XKR9: variants seen among roughly 807,000 people sequenced by gnomAD.
XKR9 encodes XK related 9.
Under a neutral mutation model 32.0 loss-of-function variants are expected in XKR9, and 32 were observed. The observed-to-expected ratio is 1.00, with a 90% CI of 0.76 to 1.34. The LOEUF (loss-of-function observed/expected upper bound fraction) is 1.34. Ranked by LOEUF, XKR9 falls within the 40% of genes most tolerant of loss-of-function variation. The probability of loss-of-function intolerance (pLI) is 0.00; values close to 1 mark genes in which losing one functional copy is unlikely to be tolerated. For synonymous variants in XKR9, 168 were observed against 143.4 expected (o/e 1.17, Z -1.22); for missense variants, 546 against 429.7 (o/e 1.27, Z -2.39).
the XKR9 span, among the ~76,000 whole-genome samples, chr8:71,002,981 A>G: frequency 6.6e-6 from 1 of 152,240 alleles, no homozygotes; most frequent in Middle Eastern, 3.2e-3. Context: ...AGGAGATGAC[A>G]TTCACATTCA....
chr8:70,703,243 T>TC (rs1345540891), intron 3 of XKR9, among the ~76,000 whole-genome samples: 100 of 152,284 alleles, frequency 6.6e-4, no homozygotes, highest in African/African-American at 2.2e-3. Flanking sequence ...CATTTTTTTT[T>TC]CTCCTAAAAT....
the XKR9 span, among the ~76,000 whole-genome samples, chr8:70,850,504 A>G: frequency 6.6e-6 from 1 of 151,658 alleles, no homozygotes; most frequent in Non-Finnish European, 1.5e-5. Flanking sequence ...TTTCAGGCCA[A>G]TATTCCTGAT....
At chr8:70,708,773 A>T (rs1805810314) in intron 4 of XKR9, among the ~76,000 whole-genome samples, 1 of 152,130 alleles carries the variant, frequency 6.6e-6, no homozygotes, top group Non-Finnish European at 1.5e-5. Flanking sequence ...GTATAAAATT[A>T]TGTTATACGA....
At chr8:70,944,576 C>T in the XKR9 span, among the ~76,000 whole-genome samples, 1 of 152,060 alleles carries the variant, frequency 6.6e-6, no homozygotes. Flanking sequence ...CAGCTTATAT[C>T]CTATAGGGAG....
At chr8:70,776,668 G>A (rs1407700577) in intron 2 of XKR9, among the ~76,000 whole-genome samples, 5 of 151,962 alleles carry the variant, frequency 3.3e-5, no homozygotes, top group Admixed American at 1.3e-4. Context: ...TAGGCTGGAG[G>A]AATGGAGATA....
chr8:70,724,180 T>G (rs1443918671), intron 4 of XKR9, among the ~76,000 whole-genome samples: 1 of 152,144 alleles, frequency 6.6e-6, no homozygotes, highest in Non-Finnish European at 1.5e-5. Flanking sequence ...TCCTCAACAC[T>G]GTCAGGGGAA....
At chr8:70,942,657 C>T in the XKR9 span, among the ~76,000 whole-genome samples, 3 of 152,104 alleles carry the variant, frequency 2.0e-5, no homozygotes, top group Non-Finnish European at 2.9e-5. Flanking sequence ...CTTTATTGAC[C>T]ATGTAACCTG....
the XKR9 span, among the ~76,000 whole-genome samples, chr8:71,055,384 C>T: frequency 1.3e-5 from 2 of 152,138 alleles, no homozygotes; most frequent in Non-Finnish European, 2.9e-5. Flanking sequence ...AAGAGGAAAT[C>T]AGTATGATAC....
At chr8:70,885,928 A>C in the XKR9 span, among the ~76,000 whole-genome samples, 1 of 152,126 alleles carries the variant, frequency 6.6e-6, no homozygotes, top group African/African-American at 2.4e-5. Context: ...TCTGGGGTAC[A>C]TGTGCAGAAC....
At chr8:70,794,823 T>TTGTGTGTGTGTG (rs56167343), downstream of XKR9, among the ~76,000 whole-genome samples, 6,044 of 147,616 alleles carry the variant, frequency 0.041, 168 homozygotes, top group Middle Eastern at 0.091. Context: ...TAGTCTTCTT[T>TTGTGTGTGTGTG]TGTGTGTGTG....
chr8:70,705,565 GA>G (rs1439225709), intron 3 of XKR9, among the ~76,000 whole-genome samples: 1 of 152,036 alleles, frequency 6.6e-6, no homozygotes, highest in Non-Finnish European at 1.5e-5. Context: ...CTTAAGTTGA[GA>G]AAAACAGCAA....
At chr8:70,739,701 G>T (rs1302096314), downstream of XKR9, among the ~76,000 whole-genome samples, 1 of 152,112 alleles carries the variant, frequency 6.6e-6, no homozygotes, top group Non-Finnish European at 1.5e-5. Context: ...TGTCTGTAAA[G>T]TATTTTATTT....
chr8:71,023,654 C>G, the XKR9 span, among the ~76,000 whole-genome samples: 2 of 152,068 alleles, frequency 1.3e-5, no homozygotes, highest in Non-Finnish European at 2.9e-5. Context: ...AGGCCTGAAG[C>G]TTTTGAGCAA....
chr8:70,858,727 A>T, the XKR9 span, among the ~76,000 whole-genome samples: 1 of 152,098 alleles, frequency 6.6e-6, no homozygotes, highest in African/African-American at 2.4e-5. Context: ...CTGATTTTTG[A>T]CAAAGGTATC....
chr8:70,742,085 G>A (rs1412685978), intron 2 of XKR9, among the ~76,000 whole-genome samples: 1 of 150,214 alleles, frequency 6.7e-6, no homozygotes, highest in Non-Finnish European at 1.5e-5. Flanking sequence ...TGTGCTTATT[G>A]GCCATTCATA....
chr8:70,909,317 G>A, the XKR9 span, among the ~76,000 whole-genome samples: 1 of 151,968 alleles, frequency 6.6e-6, no homozygotes, highest in African/African-American at 2.4e-5. Flanking sequence ...TGTATGTTTT[G>A]TCTCATATTG....
chr8:70,952,940 G>A, the XKR9 span, among the ~76,000 whole-genome samples: 1 of 152,236 alleles, frequency 6.6e-6, no homozygotes. Flanking sequence ...TGACATCCAA[G>A]TATGTGATCA....
chr8:71,004,643 G>A, the XKR9 span, among the ~76,000 whole-genome samples: 2 of 152,184 alleles, frequency 1.3e-5, no homozygotes, highest in Non-Finnish European at 2.9e-5. Context: ...CTCTAAACGT[G>A]CCATGGAAGA....
At chr8:70,797,370 C>T in the XKR9 span, among the ~76,000 whole-genome samples, 1 of 152,014 alleles carries the variant, frequency 6.6e-6, no homozygotes, top group South Asian at 2.1e-4. Flanking sequence ...TAGGTGTGGC[C>T]TTTCTTCTAA....
Sources: gnomAD v4.1 joint callset for allele counts (sites outside exome capture counted in the v4.1 genomes callset) on GRCh38, gnomAD v4.1.1 for gene constraint, MANE v1.5 for transcripts, NCBI Gene and HGNC (gene_info 2026-07-23, HGNC 2026-07-21) for gene names.